PPM1B: variants seen among roughly 807,000 people sequenced by gnomAD.
PPM1B encodes protein phosphatase 1B.
PPM1B carries 22 observed loss-of-function variants against 43.0 expected under a neutral mutation model. That is an observed-to-expected ratio of 0.51 (90% CI 0.37 to 0.73). The LOEUF is 0.73. Ranked by LOEUF, PPM1B falls within the 30% of genes least tolerant of loss-of-function variation. The pLI is 0.00. For missense variants in PPM1B, 632 were observed against 584.2 expected (o/e 1.08, Z -0.84); for synonymous variants, 217 against 197.9 (o/e 1.10, Z -0.81).
chr2:44,193,709 G>A (rs1029817782), intron 1 of PPM1B, among the ~76,000 whole-genome samples: 7 of 151,038 alleles, frequency 4.6e-5, no homozygotes, highest in African/African-American at 7.3e-5. Context: ...CCCCCCAGTA[G>A]CTGGGATTAC....
chr2:44,195,331 G>T (rs1668609689), intron 1 of PPM1B, among the ~76,000 whole-genome samples: 2 of 152,046 alleles, frequency 1.3e-5, no homozygotes, highest in African/African-American at 4.8e-5. Flanking sequence ...AGCCTCCCAA[G>T]TAGCTGGTGC....
At position 44,230,679 on chromosome 2, in the gene PPM1B, T is replaced by C. The variant is rs759485172; in HGVS notation, c.1401T>C (p.Asn467=). ...ESGLAELDSS[N]EDAGTKMSGE... ...GTCTTGCTGAATTAGACAGCTCTAA[T>C]GAAGATGCAGGGACAAAGATGAGTG... The change falls in exon 6 of 6, where the codon AAT becomes AAC. Residue 467 remains asparagine, a synonymous_variant. Coordinates refer to ENST00000282412, the MANE Select transcript of PPM1B (RefSeq NM_002706.6). 1 of 1,613,678 alleles carries C rather than the reference T, an allele frequency of 6.2e-7. No homozygotes were observed. The highest frequency in any genetic ancestry group is 8.5e-7 in the Non-Finnish European group (1 of 1,179,610).
rs987755858 is a variant in PPM1B, at chr2:44,204,341, A to C, written c.846+2296A>C. On this transcript the variant is annotated intron_variant, in intron 2 of 5. Coordinates refer to ENST00000282412, the MANE Select transcript of PPM1B (RefSeq NM_002706.6). ...TGTAAGTTAAAAATTCATGGAAAGC[A>C]CTTAGCGATTGCACAGTAGTTACCT... 3.3e-5 allele frequency among the ~76,000 whole-genome samples: 5 copies of C among 152,248 alleles called. No individual in the cohort carries two copies. The East Asian group carries it at 9.6e-4, about 29-fold the overall frequency.
Position 44,209,322 on chromosome 2 carries a change from T to C in PPM1B, c.959T>C (p.Val320Ala), listed in dbSNP as rs756474301. 63 of 1,613,790 alleles carry C rather than the reference T, an allele frequency of 3.9e-5. No homozygotes were observed. Among genetic ancestry groups the C allele is most frequent in the Non-Finnish European group, 5.3e-5 (63 of 1,179,952 alleles). The change falls in exon 3 of 6, where the codon GTT becomes GCT. Residue 320 changes from valine (V) to alanine (A), a missense_variant. This residue lies in a region of PPM1B where 392 missense variants were observed against 302.7 expected (regional missense o/e 1.29). Transcript: ENST00000282412. ...SELDKHLESR[V>A]EEIMEKSGEE... ...TTGGATAAGCACTTGGAATCACGGGTTGAAGGTAAGACAAATGCTTTTTAA... is the reference window on the plus strand; with the variant it reads ...TTGGATAAGCACTTGGAATCACGGGCTGAAGGTAAGACAAATGCTTTTTAA...
chr2:44,209,333 A>G lies in PPM1B; in HGVS notation c.964+6A>G. The G allele has an allele frequency of 6.2e-7, 1 of 1,613,858 alleles. No individual in the cohort carries two copies. The highest frequency in any genetic ancestry group is 8.5e-7 in the Non-Finnish European group (1 of 1,179,882). ...CTTGGAATCACGGGTTGAAGGTAAG[A>G]CAAATGCTTTTTAAAAATATAGACA... On this transcript the variant is annotated splice_donor_region_variant and intron_variant, in intron 3 of 5. Coordinates refer to ENST00000282412, the MANE Select transcript of PPM1B (RefSeq NM_002706.6).
intron 1 of PPM1B, among the ~76,000 whole-genome samples, chr2:44,178,476 T>A (rs56323632): frequency 0.15 from 3,757 of 24,312 alleles, 114 homozygotes; most frequent in African/African-American, 0.21. Context: ...ATATATATAT[T>A]TTTTTTTTTA....
At chr2:44,237,423 G>C (rs1445366365), downstream of PPM1B, among the ~76,000 whole-genome samples, 1 of 152,052 alleles carries the variant, frequency 6.6e-6, no homozygotes, top group Non-Finnish European at 1.5e-5. Flanking sequence ...CTTATTTCCT[G>C]TTTCAGTTTT....
chr2:44,188,230 G>A (rs567659980), intron 1 of PPM1B, among the ~76,000 whole-genome samples: 97 of 152,138 alleles, frequency 6.4e-4, no homozygotes, highest in African/African-American at 2.3e-3. Flanking sequence ...TGTTCCATTT[G>A]TTAACATCCT....
intron 5 of PPM1B, among the ~76,000 whole-genome samples, chr2:44,241,646 C>T (rs1383624974): frequency 8.8e-6 from 1 of 113,396 alleles, no homozygotes; most frequent in African/African-American, 2.7e-5. Flanking sequence ...GCAGGAGAAT[C>T]GCTTGAATCC....
intron 1 of PPM1B, among the ~76,000 whole-genome samples, chr2:44,185,029 T>C (rs896859546): frequency 6.6e-6 from 1 of 151,028 alleles, no homozygotes; most frequent in African/African-American, 2.4e-5. Flanking sequence ...TTTTAAAAAA[T>C]ATTTTGATAA....
intron 1 of PPM1B, among the ~76,000 whole-genome samples, chr2:44,194,592 G>A (rs879691545): frequency 2.6e-5 from 4 of 151,992 alleles, no homozygotes; most frequent in East Asian, 3.9e-4. Context: ...GCGTGGTGGC[G>A]GGCGCCTGTA....
intron 1 of PPM1B, among the ~76,000 whole-genome samples, chr2:44,182,969 C>A (rs1667953584): frequency 6.6e-6 from 1 of 152,144 alleles, no homozygotes; most frequent in African/African-American, 2.4e-5. Flanking sequence ...ATATTGGTCC[C>A]TTTGCATGAC....
At chr2:44,170,672 A>G (rs1009787631) in intron 1 of PPM1B, among the ~76,000 whole-genome samples, 1 of 152,190 alleles carries the variant, frequency 6.6e-6, no homozygotes, top group Admixed American at 6.5e-5. Flanking sequence ...CAAAGTTCCT[A>G]TTGTTGGCCT....
rs149941550 is a variant in PPM1B, at chr2:44,226,293, G to A, written c.1135-4120G>A. On this transcript the variant is annotated intron_variant, in intron 5 of 5. Transcript: ENST00000282412. The stretch of plus-strand genomic sequence containing the variant: ...CCCGACCTAGTATATCTTTTAAAAA[G>A]CAACTTCTCTTCCCCAACTGTCACT... Among the ~76,000 whole-genome samples, 392 of 152,068 alleles carry A rather than the reference G, an allele frequency of 2.6e-3. 1 individual carries two copies. The highest frequency in any genetic ancestry group is 8.8e-3 in the African/African-American group (365 of 41,476).
At chr2:44,174,969 A>G (rs1252608974) in intron 1 of PPM1B, among the ~76,000 whole-genome samples, 1 of 152,146 alleles carries the variant, frequency 6.6e-6, no homozygotes, top group African/African-American at 2.4e-5. Context: ...TAAAAAGAGG[A>G]CATGACTGGG....
intron 1 of PPM1B, among the ~76,000 whole-genome samples, chr2:44,195,186 C>T (rs1007187792): frequency 2.6e-5 from 4 of 151,106 alleles, no homozygotes; most frequent in East Asian, 2.0e-4. Flanking sequence ...AGCCACCCCA[C>T]CTGGCCTTTT....
chr2:44,233,261 C>G (rs893775759), downstream of PPM1B: 20 of 890,974 alleles, frequency 2.2e-5, no homozygotes, highest in African/African-American at 3.3e-4. Flanking sequence ...ATTGAAATTA[C>G]TATAAATACA....
intron 2 of PPM1B, among the ~76,000 whole-genome samples, chr2:44,208,415 G>A (rs2104169074): frequency 6.6e-6 from 1 of 152,116 alleles, no homozygotes; most frequent in South Asian, 2.1e-4. Context: ...ATAGTTTCTT[G>A]TATTAATAGT....
chr2:44,244,566 C>T (rs1054876880), downstream of PPM1B, among the ~76,000 whole-genome samples: 1 of 151,822 alleles, frequency 6.6e-6, no homozygotes, highest in Non-Finnish European at 1.5e-5. Flanking sequence ...TTTAATCTGG[C>T]GTTGTTTTCC....
Sources: gnomAD v4.1 joint callset for allele counts (sites outside exome capture counted in the v4.1 genomes callset) on GRCh38, gnomAD v4.1.1 for gene constraint, gnomAD v4.1.1 regional missense constraint, MANE v1.5 for transcripts, NCBI Gene and HGNC (gene_info 2026-07-23, HGNC 2026-07-21) for gene names.